Variants in CUX2 observed in about 807,000 individuals in gnomAD.
CUX2 encodes homeobox protein cut-like 2.
CUX2 carries 40 observed loss-of-function variants against 144.8 expected under a neutral mutation model. The observed-to-expected ratio is 0.28, with a 90% CI of 0.21 to 0.36. The LOEUF (loss-of-function observed/expected upper bound fraction) is 0.36. Among genes scored for constraint, CUX2 ranks in the 10% least tolerant of loss-of-function variants. The pLI is 1.00. For missense variants in CUX2, 1,615 were observed against 1,994.0 expected (o/e 0.81, Z 3.62); for synonymous variants, 827 against 875.6 (o/e 0.94, Z 0.98).
At chr12:111,105,565 C>T (rs985157297) in intron 1 of CUX2, among the ~76,000 whole-genome samples, 1 of 152,176 alleles carries the variant, frequency 6.6e-6, no homozygotes, top group East Asian at 1.9e-4. Context: ...ATACTGCACA[C>T]CCCCAGGGAG....
rs1343907090 is a variant in CUX2, at chr12:111,296,516, G to A, written c.681G>A (p.Lys227=). ...CAGAGCTGCTAGAGCTGCGGCGGAA[G>A]TACGACGAGGAGGCAGCATCCAAGT... The part of the protein sequence containing the change: ...TQAELLELRR[K]YDEEAASKAD... Residue 227 remains lysine, a synonymous_variant, in exon 8 of 22, where the codon AAG becomes AAA. Coordinates refer to ENST00000261726, the MANE Select transcript of CUX2 (RefSeq NM_015267.4). The A allele has an allele frequency of 3.1e-6, 5 of 1,611,562 alleles. No homozygotes were observed. Among genetic ancestry groups the A allele is most frequent in the Non-Finnish European group, 4.2e-6 (5 of 1,178,874 alleles).
At position 111,298,542 on chromosome 12, in the gene CUX2, G is replaced by A; in HGVS notation, c.706G>A (p.Ala236Thr). Reference sequence around the variant, plus strand: ...CAGGGCCTCATCTTTGTGTCTCAGGGCAGATGAAGTCGGCCTGATCATGAC... The same window carrying A: ...CAGGGCCTCATCTTTGTGTCTCAGGACAGATGAAGTCGGCCTGATCATGAC... ...RKYDEEAASKADEVGLIMTNL... is the reference protein window; with the variant it reads ...RKYDEEAASKTDEVGLIMTNL... Residue 236 changes from alanine (A) to threonine (T), a missense_variant and splice_region_variant, in exon 9 of 22, where the codon GCA becomes ACA. Physicochemically the swap from Ala to Thr is moderately conservative, Grantham distance 58. Transcript: ENST00000261726. The A allele has an allele frequency of 6.3e-7, 1 of 1,578,280 alleles. No individual in the cohort carries two copies. The highest frequency in any genetic ancestry group is 8.6e-7 in the Non-Finnish European group (1 of 1,161,556).
intron 1 of CUX2, among the ~76,000 whole-genome samples, chr12:111,138,851 C>G (rs1317483303): frequency 6.6e-6 from 1 of 152,166 alleles, no homozygotes; most frequent in Admixed American, 6.5e-5. Context: ...TGGGACTGCA[C>G]TATGGTACCA....
chr12:111,096,656 G>A (rs887081945), intron 1 of CUX2, among the ~76,000 whole-genome samples: 8 of 152,282 alleles, frequency 5.3e-5, no homozygotes, highest in South Asian at 2.1e-4. Context: ...GCTCAGCCAC[G>A]GGGTGGGTTT....
intron 1 of CUX2, among the ~76,000 whole-genome samples, chr12:111,098,019 G>C (rs977389929): frequency 6.6e-6 from 1 of 152,166 alleles, no homozygotes; most frequent in African/African-American, 2.4e-5. Context: ...ATTGAAGGGC[G>C]TAAGCTTGGG....
At chr12:111,309,721 CTCTG>C (rs1364763431) in intron 14 of CUX2, among the ~76,000 whole-genome samples, 1 of 151,444 alleles carries the variant, frequency 6.6e-6, no homozygotes, top group African/African-American at 2.4e-5. Flanking sequence ...TGGTTTTTCA[CTCTG>C]TCTCTTTGTC....
intron 1 of CUX2, among the ~76,000 whole-genome samples, chr12:111,127,479 G>A (rs960774791): frequency 6.6e-6 from 1 of 152,208 alleles, no homozygotes; most frequent in Non-Finnish European, 1.5e-5. Context: ...CGTCACATCA[G>A]CCAGCACAGT....
chr12:111,349,987 G>GC lies in CUX2; in HGVS notation c.*1665dup, dbSNP rs1014983649. On this transcript the variant is annotated 3_prime_UTR_variant, in exon 22 of 22. Coordinates refer to ENST00000261726, the MANE Select transcript of CUX2 (RefSeq NM_015267.4). ...CCAGAAATCCCAACTCTCACACCCA[G>GC]CCCAGGCTGCAGTCTCCACACCAAA... 1.3e-5 allele frequency: 2 copies of GC among 152,646 alleles called. No homozygotes were observed. 9.5% of individuals were successfully genotyped at this position (152,646 alleles called of 1,614,324 possible).
chr12:111,071,964 A>G (rs889080657), intron 1 of CUX2, among the ~76,000 whole-genome samples: 9 of 152,154 alleles, frequency 5.9e-5, no homozygotes, highest in African/African-American at 2.2e-4. Flanking sequence ...GTCCTGTTCT[A>G]TCGATCTATT....
intron 1 of CUX2, among the ~76,000 whole-genome samples, chr12:111,063,397 A>AT (rs950141166): frequency 3.3e-5 from 5 of 151,750 alleles, no homozygotes; most frequent in Middle Eastern, 3.4e-3. Context: ...GGGAATGAGT[A>AT]TTTTTTTTCC....
At chr12:111,159,285 A>C (rs191934855) in intron 1 of CUX2, among the ~76,000 whole-genome samples, 39 of 150,066 alleles carry the variant, frequency 2.6e-4, no homozygotes, top group Non-Finnish European at 5.0e-4. Context: ...GGTAGCTGAG[A>C]TTACAGGTGT....
At position 111,322,358 on chromosome 12, in the gene CUX2, A is replaced by T; in HGVS notation, c.2767-63A>T. 185 of 923,674 alleles carry T rather than the reference A, an allele frequency of 2.0e-4. No homozygotes were observed. Among genetic ancestry groups the T allele is most frequent in the Non-Finnish European group, 2.7e-4 (173 of 637,406 alleles). 57.2% of individuals were successfully genotyped at this position (923,674 alleles called of 1,614,324 possible). A position where few individuals can be genotyped will look rare whatever the true frequency, so the allele number is the denominator to read the frequency against. ...AAAAAAAAAAAAGGTTGGGGAGGAG[A>T]GTGAGGGCCAGGCCCATGTCCCAGG... On this transcript the variant is annotated intron_variant, in intron 17 of 21. Transcript: ENST00000261726. The surrounding 1 kb of genome is among the most constrained non-coding windows in gnomAD (Gnocchi z 4.2).
rs569333427 is a variant in CUX2 at position 111,277,377 on chromosome 12, C to T, written c.301+13538C>T. 4.5e-4 allele frequency among the ~76,000 whole-genome samples: 68 copies of T among 152,226 alleles called. No individual in the cohort carries two copies. The highest frequency in any genetic ancestry group is 6.8e-3 in the Middle Eastern group (2 of 294). On this transcript the variant is annotated intron_variant, in intron 4 of 21. Transcript: ENST00000261726. This position sits in a 1 kb window ranked among gnomAD's most constrained non-coding sequence, Gnocchi z 5.0. ...GTAACCCCAGGGGAGGTTAGTAGGA[C>T]GGTCAGCTGCCATTTCCTTATCTGA...
Position 111,034,845 on chromosome 12 carries a change from GCGCCGCCACCCGGGGGCCGCCGCCGC to G in CUX2, c.63+614_63+639del, listed in dbSNP as rs1869343210. Among the ~76,000 whole-genome samples, 1 of 148,926 alleles carries G rather than the reference GCGCCGCCACCCGGGGGCCGCCGCCGC, an allele frequency of 6.7e-6. No individual in the cohort carries two copies. The highest frequency in any genetic ancestry group is 2.1e-4 in the South Asian group (1 of 4,828). On this transcript the variant is annotated intron_variant, in intron 1 of 21. Coordinates refer to ENST00000261726, the MANE Select transcript of CUX2 (RefSeq NM_015267.4). The surrounding 1 kb of genome is among the most constrained non-coding windows in gnomAD (Gnocchi z 4.2). ...GCCCGCCTGGCTGCGCAGCCCGGAC[GCGCCGCCACCCGGGGGCCGCCGCCGC>G]CGCCGCCAGAGCCGCCGCCGCCGGA...
At chr12:111,097,757 G>A (rs1473861471) in intron 1 of CUX2, among the ~76,000 whole-genome samples, 1 of 152,222 alleles carries the variant, frequency 6.6e-6, no homozygotes, top group East Asian at 1.9e-4. Flanking sequence ...ACTGCAGCGA[G>A]CAGGCAGGGG....
At chr12:111,242,856 C>A (rs1883098445) in intron 3 of CUX2, among the ~76,000 whole-genome samples, 1 of 152,112 alleles carries the variant, frequency 6.6e-6, no homozygotes, top group African/African-American at 2.4e-5. Context: ...TTCCCCTAGT[C>A]CCCCACCCCA....
intron 1 of CUX2, among the ~76,000 whole-genome samples, chr12:111,101,489 G>A (rs571369424): frequency 2.0e-5 from 3 of 152,292 alleles, no homozygotes; most frequent in South Asian, 2.1e-4. Context: ...GTCCCTGTCC[G>A]GCTCACTGTC....
At chr12:111,242,096 T>C (rs530703156) in intron 3 of CUX2, among the ~76,000 whole-genome samples, 1 of 152,392 alleles carries the variant, frequency 6.6e-6, no homozygotes, top group East Asian at 1.9e-4. Context: ...CAAAATGTTC[T>C]AGCAGAGTAT....
chr12:111,318,853 CTG>C (rs1379769897), intron 16 of CUX2, among the ~76,000 whole-genome samples: 2 of 151,932 alleles, frequency 1.3e-5, no homozygotes, highest in Non-Finnish European at 2.9e-5. Context: ...TTTGCAGAGA[CTG>C]AGTTTTGCCA....
Sources: allele counts gnomAD v4.1 joint callset (sites outside exome capture counted in the v4.1 genomes callset), GRCh38; gene constraint gnomAD v4.1.1; non-coding constraint Gnocchi (gnomAD v3.1); transcripts MANE v1.5; gene names NCBI Gene and HGNC (gene_info 2026-07-23, HGNC 2026-07-21).